TAFA1: variants seen among roughly 807,000 people sequenced by gnomAD.
The protein encoded by TAFA1 is chemokine-like protein TAFA-1.
A neutral mutation model predicts 18.5 loss-of-function variants in TAFA1; 4 were observed. That is an observed-to-expected ratio of 0.22 (90% CI 0.11 to 0.49). The LOEUF is 0.49. Ranked by LOEUF, TAFA1 falls within the 20% of genes least tolerant of loss-of-function variation. The pLI, the probability that TAFA1 is intolerant of heterozygous loss-of-function variation, is 0.98. For synonymous variants in TAFA1, 56 were observed against 55.2 expected (o/e 1.01, Z -0.06); for missense variants, 147 against 169.0 (o/e 0.87, Z 0.72).
intron 3 of TAFA1, among the ~76,000 whole-genome samples, chr3:68,435,535 C>A (rs2071253961): frequency 6.6e-6 from 1 of 152,024 alleles, no homozygotes; most frequent in Admixed American, 6.6e-5. Flanking sequence ...ACTTAGAGCC[C>A]AAATTTCTAA....
At chr3:68,058,761 G>A (rs377203485) in intron 2 of TAFA1, among the ~76,000 whole-genome samples, 44 of 152,258 alleles carry the variant, frequency 2.9e-4, no homozygotes, top group Non-Finnish European at 3.7e-4. Context: ...GTTTTCAGAC[G>A]TGTAAAAGCT....
intron 2 of TAFA1, among the ~76,000 whole-genome samples, chr3:68,317,417 A>G (rs1025960262): frequency 7.9e-5 from 12 of 152,166 alleles, no homozygotes; most frequent in African/African-American, 2.9e-4. Context: ...TAAAGAACCA[A>G]CTTTCATATA....
chr3:68,470,972 C>A (rs903330051), intron 3 of TAFA1, among the ~76,000 whole-genome samples: 2 of 152,118 alleles, frequency 1.3e-5, no homozygotes, highest in Non-Finnish European at 1.5e-5. Context: ...TGTTTCCTGG[C>A]GTGGATCCAG....
At chr3:68,366,110 C>CAAA (rs2069568896) in intron 2 of TAFA1, among the ~76,000 whole-genome samples, 1 of 134,708 alleles carries the variant, frequency 7.4e-6, no homozygotes, top group African/African-American at 2.7e-5. Flanking sequence ...AAAAAGAAAC[C>CAAA]ATCAGATCTC....
rs567930562 is a variant in TAFA1 at position 68,393,254 on chromosome 3, A to G, written c.119-24026A>G. Among the ~76,000 whole-genome samples, 6 of 152,300 alleles carry G rather than the reference A, an allele frequency of 3.9e-5. No homozygotes were observed. The South Asian group carries it at 1.0e-3, about 26-fold the overall frequency. ...TGTACACAAATAAACTGGAAAATCT[A>G]GAAGAAATGGATAAATTCCTGGACA... On this transcript the variant is annotated intron_variant, in intron 2 of 4. Transcript: ENST00000478136.
At chr3:68,113,897 G>GT (rs35158174) in intron 2 of TAFA1, among the ~76,000 whole-genome samples, 486 of 18,082 alleles carry the variant, frequency 0.027, 5 homozygotes, top group Middle Eastern at 0.059. Flanking sequence ...AGTTTTTTTT[G>GT]TTTTTTTTTT....
At chr3:68,496,527 T>G (rs567955933) in intron 3 of TAFA1, among the ~76,000 whole-genome samples, 7 of 152,292 alleles carry the variant, frequency 4.6e-5, no homozygotes, top group Non-Finnish European at 8.8e-5. Context: ...AACAGCAGCA[T>G]CAACTGCCAG....
chr3:68,195,724 T>C (rs1366250964), intron 2 of TAFA1, among the ~76,000 whole-genome samples: 2 of 151,746 alleles, frequency 1.3e-5, no homozygotes, highest in East Asian at 3.9e-4. Context: ...GATCACGCTA[T>C]GTTTGAATAT....
At position 68,542,784 on chromosome 3, in the gene TAFA1, T is replaced by C. The variant is rs540879501; in HGVS notation, c.385-1702T>C. On this transcript the variant is annotated intron_variant, in intron 4 of 4. Transcript: ENST00000478136. ...AAATGGTGGTTACATTCTTTTGGTCTTTGACAGCCTTTCACCAAATACACC... is the reference window on the plus strand; with the variant it reads ...AAATGGTGGTTACATTCTTTTGGTCCTTGACAGCCTTTCACCAAATACACC... Among the ~76,000 whole-genome samples the C allele has an allele frequency of 8.5e-4, 130 of 152,262 alleles. No homozygotes were observed. The Middle Eastern group carries it at 0.01, about 12-fold the overall frequency.
intron 2 of TAFA1, among the ~76,000 whole-genome samples, chr3:68,352,062 AC>A: frequency 1.3e-5 from 2 of 152,066 alleles, no homozygotes; most frequent in South Asian, 4.2e-4. Context: ...AAATAAGAAT[AC>A]ACAATTGTGG....
chr3:68,131,642 A>T (rs2065539000), intron 2 of TAFA1, among the ~76,000 whole-genome samples: 1 of 152,204 alleles, frequency 6.6e-6, no homozygotes, highest in East Asian at 1.9e-4. Context: ...GCAGAGGCAG[A>T]TGCTCTGTGA....
intron 3 of TAFA1, among the ~76,000 whole-genome samples, chr3:68,500,497 A>T (rs1192210929): frequency 5.3e-5 from 8 of 152,122 alleles, no homozygotes. Flanking sequence ...TTTGAGGAGC[A>T]GTACTCTAAA....
At chr3:68,374,579 A>G (rs1007369356) in intron 2 of TAFA1, among the ~76,000 whole-genome samples, 1 of 152,182 alleles carries the variant, frequency 6.6e-6, no homozygotes, top group Non-Finnish European at 1.5e-5. Flanking sequence ...TGAGTACTCT[A>G]CAATTCAGCA....
intron 2 of TAFA1, among the ~76,000 whole-genome samples, chr3:68,040,578 C>G (rs112972592): frequency 2.0e-5 from 3 of 152,280 alleles, no homozygotes; most frequent in African/African-American, 7.2e-5. Flanking sequence ...ACACTTATTT[C>G]GAGAAGGTTG....
chr3:68,285,857 G>A (rs1399441775), intron 2 of TAFA1, among the ~76,000 whole-genome samples: 1 of 152,124 alleles, frequency 6.6e-6, no homozygotes, highest in East Asian at 1.9e-4. Flanking sequence ...AAGCAAGAAT[G>A]GCCAATCATT....
At chr3:68,512,440 A>G (rs1226495632) in intron 3 of TAFA1, among the ~76,000 whole-genome samples, 1 of 152,152 alleles carries the variant, frequency 6.6e-6, no homozygotes, top group Non-Finnish European at 1.5e-5. Context: ...GCCACAAAAA[A>G]TACAGATACA....
intron 2 of TAFA1, among the ~76,000 whole-genome samples, chr3:68,050,255 G>A (rs971633669): frequency 3.3e-5 from 5 of 152,288 alleles, no homozygotes; most frequent in Admixed American, 2.6e-4. Context: ...ACCACTGTGA[G>A]GATGTGGGTA....
intron 3 of TAFA1, among the ~76,000 whole-genome samples, chr3:68,475,207 G>T (rs902689670): frequency 6.6e-6 from 1 of 151,752 alleles, no homozygotes; most frequent in African/African-American, 2.4e-5. Flanking sequence ...TGTGCACAAT[G>T]TGCAGGTTTG....
intron 3 of TAFA1, among the ~76,000 whole-genome samples, chr3:68,521,998 G>A (rs750168925): frequency 1.4e-4 from 21 of 149,474 alleles, no homozygotes; most frequent in African/African-American, 2.7e-4. Flanking sequence ...GCACACCACC[G>A]AGCCCAGCTA....
Sources: allele counts gnomAD v4.1 joint callset (sites outside exome capture counted in the v4.1 genomes callset), GRCh38; gene constraint gnomAD v4.1.1; transcripts MANE v1.5; gene names NCBI Gene and HGNC (gene_info 2026-07-23, HGNC 2026-07-21).